The following VPS33B variants were observed in gnomAD, a reference collection of about 807,000 sequenced individuals.
The protein encoded by VPS33B is vacuolar protein sorting-associated protein 33B.
Under a neutral mutation model 95.3 loss-of-function variants are expected in VPS33B, and 80 were observed. The observed-to-expected ratio is 0.84, with a 90% CI of 0.70 to 1.01. The LOEUF (loss-of-function observed/expected upper bound fraction) is 1.01, where lower values mean the gene tolerates loss of function less well. VPS33B is among the 50% of genes least tolerant of loss of function. The pLI, the probability that VPS33B is intolerant of heterozygous loss-of-function variation, is 0.00. For missense variants in VPS33B, 715 were observed against 773.4 expected (o/e 0.92, Z 0.90); for synonymous variants, 280 against 280.4 (o/e 1.00, Z 0.01).
chr15:91,017,776 G>A (rs1430609833), intron 2 of VPS33B, 29 bp downstream of exon 2: 2 of 1,607,324 alleles, frequency 1.2e-6, no homozygotes, highest in Admixed American at 1.7e-5. Flanking sequence ...TTAAAGAGGG[G>A]CATGGCCCCC....
Position 91,006,282 on chromosome 15 carries a change from G to A in VPS33B, c.852+90C>T. On this transcript the variant is annotated intron_variant, in intron 11 of 22. Transcript: ENST00000333371. The surrounding 1 kb of genome is among the most constrained non-coding windows in gnomAD (Gnocchi z 5.4). ...AGACTCAGCCTCCCCTCTCAGAGCT[G>A]GGGCCCACAGCCTGGTATAAGCAGG... The A allele has an allele frequency of 1.0e-6, 1 of 963,754 alleles. No homozygotes were observed. Among genetic ancestry groups the A allele is most frequent in the Non-Finnish European group, 1.3e-6 (1 of 766,970 alleles). 59.7% of individuals were successfully genotyped at this position (963,754 alleles called of 1,614,324 possible). A position where few individuals can be genotyped will look rare whatever the true frequency, so the allele number is the denominator to read the frequency against.
In VPS33B at chr15:91,000,939, A is replaced by C; in HGVS notation, c.1480-348T>G. On this transcript the variant is annotated intron_variant, in intron 19 of 22. Transcript: ENST00000333371. The surrounding 1 kb of genome is among the most constrained non-coding windows in gnomAD (Gnocchi z 4.9). ...TGCTTGTTACATGTTGATTAAATGA[A>C]TGAATCTACCATGCTATAAGACTAC... is the stretch of plus-strand genomic sequence containing the variant. 1 of 378,974 alleles carries C rather than the reference A, an allele frequency of 2.6e-6. No individual in the cohort carries two copies. Among genetic ancestry groups the C allele is most frequent in the Non-Finnish European group, 5.0e-6 (1 of 199,458 alleles). The allele number at this position is 378,974 out of a possible 1,614,324, so 23.5% of individuals were successfully genotyped here. A position where few individuals can be genotyped will look rare whatever the true frequency, so the allele number is the denominator to read the frequency against.
At chr15:91,001,591 T>G in intron 18 of VPS33B, 129 bp from the exon 19 acceptor site, 1 of 793,746 alleles carries the variant, frequency 1.3e-6, no homozygotes, top group Non-Finnish European at 2.2e-6. Context: ...TCAACTATAA[T>G]TCCCTGGAAC....
At position 91,003,989 on chromosome 15, in the gene VPS33B, C is replaced by T. The variant is rs200711231; in HGVS notation, c.1226-858G>A. ...CTGTAATCCCAGAACTTAGGGAAGC[C>T]GAGGCAGGTGGATCACCTGAGGTCA... On this transcript the variant is annotated intron_variant, in intron 16 of 22. Transcript: ENST00000333371. Among the ~76,000 whole-genome samples the T allele has an allele frequency of 5.3e-5, 8 of 152,076 alleles. No individual in the cohort carries two copies. In the East Asian group the frequency reaches 5.8e-4, roughly 11 times the overall value.
Position 91,007,145 on chromosome 15 carries a change from C to T in VPS33B, c.604-99G>A. ...CTTTCCACGTGATACTTCCTCTTGTCCCCGAGACAGGAGCTAATTATTCAC... is the reference window on the plus strand; with the variant it reads ...CTTTCCACGTGATACTTCCTCTTGTTCCCGAGACAGGAGCTAATTATTCAC... On this transcript the variant is annotated intron_variant, in intron 8 of 22. Transcript: ENST00000333371. This position sits in a 1 kb window ranked among gnomAD's most constrained non-coding sequence, Gnocchi z 5.3. 1 of 1,312,422 alleles carries T rather than the reference C, an allele frequency of 7.6e-7. No homozygotes were observed. Among genetic ancestry groups the T allele is most frequent in the South Asian group, 1.2e-5 (1 of 84,628 alleles). 81.3% of individuals were successfully genotyped at this position (1,312,422 alleles called of 1,614,324 possible).
At position 91,005,758 on chromosome 15, in the gene VPS33B, C is replaced by T. The variant is rs201383365; in HGVS notation, c.966G>A (p.Gln322=). 2.5e-6 allele frequency: 4 copies of T among 1,614,204 alleles called. No homozygotes were observed. Among genetic ancestry groups the T allele is most frequent in the Admixed American group, 1.7e-5 (1 of 60,022 alleles). The change falls in exon 13 of 23, where the codon CAG becomes CAA. Residue 322 remains glutamine, a synonymous_variant. Transcript: ENST00000333371. This position sits in a 1 kb window ranked among gnomAD's most constrained non-coding sequence, Gnocchi z 6.4. ...YDRRRGMDIK[Q]MKNFVSQELK... ...GCTCCTGGGACACGAAATTCTTCAT[C>T]TGCTTAATGTCCATGCCTCTCCGGC...
Position 91,000,595 on chromosome 15 carries a change from T to TA in VPS33B, c.1480-5dup. The TA allele has an allele frequency of 1.2e-6, 2 of 1,611,724 alleles. No homozygotes were observed. Among genetic ancestry groups the TA allele is most frequent in the Non-Finnish European group, 1.7e-6 (2 of 1,178,574 alleles). ...ACTCGCCGTCCACACGTGGGATCTG[T>TA]AAGACAAAGGGACTTCATTAGGCAA... is the stretch of plus-strand genomic sequence containing the variant. On this transcript the variant is annotated splice_region_variant and splice_polypyrimidine_tract_variant and intron_variant, in intron 19 of 22. Coordinates refer to ENST00000333371, the MANE Select transcript of VPS33B (RefSeq NM_018668.5). The surrounding 1 kb of genome is among the most constrained non-coding windows in gnomAD (Gnocchi z 4.9).
In VPS33B at chr15:91,006,113, A is replaced by C; in HGVS notation, c.853-54T>G. 6.3e-7 allele frequency: 1 copy of C among 1,592,786 alleles called. No homozygotes were observed. The highest frequency in any genetic ancestry group is 2.2e-5 in the East Asian group (1 of 44,770). The stretch of plus-strand genomic sequence containing the variant: ...TACTCTGTCAGAACCATAACTTAGC[A>C]GTAGAATGACAGTACAGGAAGGGTA... On this transcript the variant is annotated intron_variant, in intron 11 of 22. Coordinates refer to ENST00000333371, the MANE Select transcript of VPS33B (RefSeq NM_018668.5). This position sits in a 1 kb window ranked among gnomAD's most constrained non-coding sequence, Gnocchi z 5.4.
At chr15:91,017,954 G>C in intron 1 of VPS33B, 69 bp from the exon 2 acceptor site, 1 of 1,425,602 alleles carries the variant, frequency 7.0e-7, no homozygotes, top group Admixed American at 1.7e-5. Context: ...AAGTGGCCCA[G>C]CCACCCATCT....
chr15:91,012,585 G>T (rs2040812226), intron 5 of VPS33B, among the ~76,000 whole-genome samples: 1 of 152,202 alleles, frequency 6.6e-6, no homozygotes, highest in African/African-American at 2.4e-5. Context: ...TTCTTAGAAA[G>T]ATTGAAAAGG....
Position 91,009,712 on chromosome 15 carries a change from G to C in VPS33B, c.403+89C>G. ...ACCAGGAAAAGAAGGAGCTGGTGGT[G>C]GGGGTGGGGTGGGGGGGTTGGAGAA... On this transcript the variant is annotated intron_variant, in intron 6 of 22. Transcript: ENST00000333371. This position sits in a 1 kb window ranked among gnomAD's most constrained non-coding sequence, Gnocchi z 4.1. 3 of 1,369,794 alleles carry C rather than the reference G, an allele frequency of 2.2e-6. No individual in the cohort carries two copies. The highest frequency in any genetic ancestry group is 3.0e-6 in the Non-Finnish European group (3 of 983,832). 84.9% of individuals were successfully genotyped at this position (1,369,794 alleles called of 1,614,324 possible).
chr15:91,017,695 C>G (rs2040982344), intron 2 of VPS33B, 110 bp downstream of exon 2: 1 of 1,047,978 alleles, frequency 9.5e-7, no homozygotes, highest in Non-Finnish European at 1.5e-6. Flanking sequence ...CCCAATTAAG[C>G]TACCCTATAT....
At chr15:91,017,144 A>T in intron 2 of VPS33B, 120 bp from the exon 3 acceptor site, 1 of 836,718 alleles carries the variant, frequency 1.2e-6, no homozygotes, top group Non-Finnish European at 2.0e-6. Flanking sequence ...AGGGCTTCCT[A>T]ATTATGCTAA....
Position 91,005,905 on chromosome 15 carries a change from GCCCAAGGGCAGCAGCCTTGGGAAGCCA to G in VPS33B, c.939+41_939+67del. ...AACCTGTCATAGTATTAGAAGGGGA[GCCCAAGGGCAGCAGCCTTGGGAAGCCA>G]CTGAGGCAACAAAACAGAGGAGCAG... On this transcript the variant is annotated intron_variant, in intron 12 of 22. Coordinates refer to ENST00000333371, the MANE Select transcript of VPS33B (RefSeq NM_018668.5). This position sits in a 1 kb window ranked among gnomAD's most constrained non-coding sequence, Gnocchi z 6.4. 6.2e-7 allele frequency: 1 copy of G among 1,600,928 alleles called. No homozygotes were observed. Among genetic ancestry groups the G allele is most frequent in the South Asian group, 1.1e-5 (1 of 90,568 alleles).
In VPS33B at chr15:91,000,051, CTG is replaced by C. The variant is rs35582587; in HGVS notation, c.1582-78_1582-77del. On this transcript the variant is annotated intron_variant, in intron 20 of 22. Transcript: ENST00000333371. This position sits in a 1 kb window ranked among gnomAD's most constrained non-coding sequence, Gnocchi z 4.9. ...GGAAAGGAAGGGCACAGCAGCCAGA[CTG>C]TCACATTTCTTGCTCATTACTCAAG... 0.1 allele frequency: 161,723 copies of C among 1,574,070 alleles called. 14,183 individuals are homozygous for C. Among genetic ancestry groups the C allele is most frequent in the East Asian group, 0.49 (22,048 of 44,592 alleles).
At chr15:91,021,836 G>A (rs928402227) in intron 1 of VPS33B, among the ~76,000 whole-genome samples, 2 of 152,204 alleles carry the variant, frequency 1.3e-5, no homozygotes, top group African/African-American at 4.8e-5. Context: ...GATAATTTGT[G>A]CTTCATACAG....
At chr15:91,016,843 T>C in intron 3 of VPS33B, 120 bp downstream of exon 3, 1 of 974,424 alleles carries the variant, frequency 1.0e-6, no homozygotes, top group Non-Finnish European at 1.6e-6. Context: ...AACCTAGCCA[T>C]GAAATTGTAA....
rs1391330823 is a variant in VPS33B at position 91,007,172 on chromosome 15, A to G, written c.604-126T>C. 7.0e-6 allele frequency: 7 copies of G among 1,003,460 alleles called. No homozygotes were observed. Among genetic ancestry groups the G allele is most frequent in the African/African-American group, 1.6e-5 (1 of 62,938 alleles). The allele number at this position is 1,003,460 out of a possible 1,614,324, so 62.2% of individuals were successfully genotyped here. ...CCGAGACAGGAGCTAATTATTCACAATATGGCCCTATCTACTCCCGTCTGT... is the reference window on the plus strand; with the variant it reads ...CCGAGACAGGAGCTAATTATTCACAGTATGGCCCTATCTACTCCCGTCTGT... On this transcript the variant is annotated intron_variant, in intron 8 of 22. Transcript: ENST00000333371. The surrounding 1 kb of genome is among the most constrained non-coding windows in gnomAD (Gnocchi z 5.3).
chr15:90,998,560 A>G, downstream of VPS33B: 3 of 310,946 alleles, frequency 9.6e-6, no homozygotes, highest in Non-Finnish European at 1.9e-5. The surrounding 1 kb of genome is among the most constrained non-coding windows in gnomAD (Gnocchi z 4.8). Context: ...GAACCAGACC[A>G]GGCCTGGAGC....
Sources: gnomAD v4.1 joint callset for allele counts (sites outside exome capture counted in the v4.1 genomes callset) on GRCh38, gnomAD v4.1.1 for gene constraint, Gnocchi (gnomAD v3.1) non-coding constraint, MANE v1.5 for transcripts, NCBI Gene and HGNC (gene_info 2026-07-23, HGNC 2026-07-21) for gene names.